The following PRKDC variants were observed in gnomAD, a reference collection of about 807,000 sequenced individuals.
PRKDC encodes DNA-dependent protein kinase catalytic subunit.
In PRKDC, 82 loss-of-function variants were observed where a neutral mutation model predicts 486.9. The observed-to-expected ratio is 0.17, with a 90% CI of 0.14 to 0.20. The LOEUF (loss-of-function observed/expected upper bound fraction) is 0.20. Among genes scored for constraint, PRKDC ranks in the 10% least tolerant of loss-of-function variants. The pLI is 1.00. For synonymous variants in PRKDC, 1,895 were observed against 1,837.0 expected (o/e 1.03, Z -0.81); for missense variants, 4,504 against 5,038.2 (o/e 0.89, Z 3.21).
intron 25 of PRKDC, among the ~76,000 whole-genome samples, chr8:47,907,205 T>C (rs2154502569): frequency 6.6e-6 from 1 of 151,232 alleles, no homozygotes; most frequent in Middle Eastern, 3.4e-3. Context: ...CACGCCCGGC[T>C]AATTTTCTGT....
chr8:47,935,748 A>G lies in PRKDC; in HGVS notation c.1431T>C (p.Asn477=). 6.2e-7 allele frequency: 1 copy of G among 1,613,826 alleles called. No individual in the cohort carries two copies. Among genetic ancestry groups the G allele is most frequent in the Non-Finnish European group, 8.5e-7 (1 of 1,179,830 alleles). ...CAAACTTACCCACAGTACTAATGCAATTCCTGAGAACTGGCCCTTTTGCTG... is the reference window on the plus strand; with the variant it reads ...CAAACTTACCCACAGTACTAATGCAGTTCCTGAGAACTGGCCCTTTTGCTG... ...ALAAKGPVLR[N]CISTVVHQGL... Residue 477 remains asparagine (N), a synonymous_variant, in exon 13 of 86, where the codon AAT becomes AAC. Transcript: ENST00000314191.
At chr8:47,780,666 G>C (rs755169776) in intron 80 of PRKDC, among the ~76,000 whole-genome samples, 1 of 152,154 alleles carries the variant, frequency 6.6e-6, no homozygotes, top group African/African-American at 2.4e-5. Context: ...TAGGCCGGGC[G>C]CAGTGGCTCA....
At chr8:47,793,611 C>CACAAT (rs1320536003) in intron 74 of PRKDC, among the ~76,000 whole-genome samples, 1 of 135,484 alleles carries the variant, frequency 7.4e-6, no homozygotes, top group East Asian at 2.2e-4. Flanking sequence ...TAGGTGACAG[C>CACAAT]ACAATACTCT....
chr8:47,858,834 G>C lies in PRKDC; in HGVS notation c.6345+15C>G, dbSNP rs766752735. 6.2e-7 allele frequency: 1 copy of C among 1,611,214 alleles called. No individual in the cohort carries two copies. The highest frequency in any genetic ancestry group is 8.5e-7 in the Non-Finnish European group (1 of 1,178,062). ...TGAATATAGTATTAACAGGTAAGAT[G>C]AGTGGGAAAAGCACCTCTTCTCCTT... On this transcript the variant is annotated intron_variant, in intron 47 of 85. Transcript: ENST00000314191.
chr8:47,804,274 A>C (rs1386395643), intron 69 of PRKDC, among the ~76,000 whole-genome samples: 1 of 144,666 alleles, frequency 6.9e-6, no homozygotes, highest in East Asian at 2.0e-4. Flanking sequence ...GCTGAATAAT[A>C]CTCCATTGCA....
chr8:47,880,467 C>T (rs1490417892), intron 38 of PRKDC, among the ~76,000 whole-genome samples: 1 of 152,154 alleles, frequency 6.6e-6, no homozygotes, highest in Non-Finnish European at 1.5e-5. Context: ...ATTAATCACA[C>T]AGCAGAAAAT....
At chr8:47,798,143 C>A (rs2087018647) in intron 73 of PRKDC, 94 bp downstream of exon 73, 1 of 1,288,428 alleles carries the variant, frequency 7.8e-7, no homozygotes, top group Non-Finnish European at 1.1e-6. Flanking sequence ...AGCTATAATA[C>A]ATGCACTGCA....
At chr8:47,815,121 G>A (rs770986033) in intron 68 of PRKDC, among the ~76,000 whole-genome samples, 8 of 152,106 alleles carry the variant, frequency 5.3e-5, no homozygotes, top group Admixed American at 6.6e-5. Flanking sequence ...AGCCATTATC[G>A]GGTGACAGAG....
chr8:47,801,048 A>C, intron 70 of PRKDC, 62 bp from the exon 71 acceptor site: 1 of 1,458,038 alleles, frequency 6.9e-7, no homozygotes, highest in Non-Finnish European at 9.4e-7. Context: ...ATTAAAAAGA[A>C]GAAATTCATT....
chr8:47,863,455 T>C lies in PRKDC; in HGVS notation c.5694A>G (p.Gln1898=), dbSNP rs201140159. ...DVHAKESKIN[Q]VFHGSCITEG... Reference sequence around the variant, plus strand: ...CTGTAATACACGAGCCATGGAAAACTTGATTAATTTTTGATTCCTTAGCAT... The same window carrying C: ...CTGTAATACACGAGCCATGGAAAACCTGATTAATTTTTGATTCCTTAGCAT... The change falls in exon 42 of 86, where the codon CAA becomes CAG. Residue 1898 remains glutamine (Q), a synonymous_variant. Transcript: ENST00000314191. 654 of 1,612,422 alleles carry C rather than the reference T, an allele frequency of 4.1e-4. No individual in the cohort carries two copies. Among genetic ancestry groups the C allele is most frequent in the Non-Finnish European group, 5.2e-4 (615 of 1,179,118 alleles).
chr8:47,933,551 T>C (rs148305844), intron 15 of PRKDC, among the ~76,000 whole-genome samples: 64 of 152,376 alleles, frequency 4.2e-4, no homozygotes, highest in African/African-American at 1.4e-3. Flanking sequence ...TCTGTGTACA[T>C]GTAAGTACAT....
chr8:47,852,814 T>A (rs1317225931), intron 51 of PRKDC, 30 bp from the exon 52 acceptor site: 1 of 1,332,566 alleles, frequency 7.5e-7, no homozygotes, highest in Non-Finnish European at 1.0e-6. Context: ...GACATATGCA[T>A]CAAATAAACC....
chr8:47,846,051 C>T (rs1170591732), intron 54 of PRKDC, among the ~76,000 whole-genome samples: 1 of 152,120 alleles, frequency 6.6e-6, no homozygotes, highest in Admixed American at 6.5e-5. Context: ...ATGTGATTCA[C>T]CACATAAACA....
At chr8:47,921,942 A>G (rs935284053) in intron 21 of PRKDC, among the ~76,000 whole-genome samples, 1 of 152,006 alleles carries the variant, frequency 6.6e-6, no homozygotes, top group Non-Finnish European at 1.5e-5. Context: ...CACCACACCC[A>G]GATAATTTTT....
At position 47,828,470 on chromosome 8, in the gene PRKDC, T is replaced by C. The variant is rs1589725445; in HGVS notation, c.8398-123A>G. The C allele has an allele frequency of 7.8e-6, 6 of 767,030 alleles. No individual in the cohort carries two copies. In the East Asian group the frequency reaches 1.4e-4, roughly 18 times the overall value. 47.5% of individuals were successfully genotyped at this position (767,030 alleles called of 1,614,324 possible). A position where few individuals can be genotyped will look rare whatever the true frequency, so the allele number is the denominator to read the frequency against. Reference sequence around the variant, plus strand: ...ACACATCTATTATACCTCTCAATTCTATTTGGAAAGACTTAGCAGGCATTG... The same window carrying C: ...ACACATCTATTATACCTCTCAATTCCATTTGGAAAGACTTAGCAGGCATTG... On this transcript the variant is annotated intron_variant, in intron 61 of 85. Transcript: ENST00000314191.
At chr8:47,894,291 A>G (rs2089530065) in intron 30 of PRKDC, among the ~76,000 whole-genome samples, 1 of 152,192 alleles carries the variant, frequency 6.6e-6, no homozygotes, top group Non-Finnish European at 1.5e-5. Context: ...AAAGAAAGAA[A>G]GAGAGAACAT....
Position 47,902,883 on chromosome 8 carries a change from A to C in PRKDC, c.3043-88T>G, listed in dbSNP as rs532277430. 5.2e-5 allele frequency: 50 copies of C among 966,608 alleles called. 1 individual carries two copies. The Middle Eastern group carries it at 1.0e-3, about 20-fold the overall frequency. 59.9% of individuals were successfully genotyped at this position (966,608 alleles called of 1,614,324 possible). ...CTTGGTCTATCTCTGAGCATAACTA[A>C]AGTATGTTAAAAATTAATTTATAGC... On this transcript the variant is annotated intron_variant, in intron 26 of 85. Transcript: ENST00000314191.
chr8:47,895,840 A>G (rs2089568134), intron 30 of PRKDC, among the ~76,000 whole-genome samples: 1 of 152,170 alleles, frequency 6.6e-6, no homozygotes, highest in African/African-American at 2.4e-5. Context: ...GGAGTTTGAG[A>G]CCAGACTGGC....
rs1269149262 is a variant in PRKDC, at chr8:47,773,222, C to G, written c.*951G>C. ...AAAAAAACAACAAAAAGCTAAAAGC[C>G]AATCAGAAACAGTTTGGGTGTGGAG... is the stretch of plus-strand genomic sequence containing the variant. On this transcript the variant is annotated 3_prime_UTR_variant, in exon 86 of 86. Transcript: ENST00000314191. 4.5e-6 allele frequency: 1 copy of G among 223,758 alleles called. No individual in the cohort carries two copies. The highest frequency in any genetic ancestry group is 9.0e-6 in the Non-Finnish European group (1 of 111,132). 13.9% of individuals were successfully genotyped at this position (223,758 alleles called of 1,614,324 possible). A position where few individuals can be genotyped will look rare whatever the true frequency, so the allele number is the denominator to read the frequency against.
Sources: allele counts gnomAD v4.1 joint callset (sites outside exome capture counted in the v4.1 genomes callset), GRCh38; gene constraint gnomAD v4.1.1; transcripts MANE v1.5; gene names NCBI Gene and HGNC (gene_info 2026-07-23, HGNC 2026-07-21).